The following INO80D variants were observed in gnomAD, a reference collection of about 807,000 sequenced individuals.
INO80D encodes INO80 complex subunit D.
INO80D carries 21 observed loss-of-function variants against 87.6 expected under a neutral mutation model. The observed-to-expected ratio is 0.24, with a 90% CI of 0.17 to 0.35. INO80D has a LOEUF of 0.35. INO80D is among the 10% of genes least tolerant of loss of function. INO80D has a pLI of 1.00. For synonymous variants in INO80D, 440 were observed against 491.0 expected (o/e 0.90, Z 1.37); for missense variants, 982 against 1,280.7 (o/e 0.77, Z 3.56).
chr2:206,083,755 TG>T (rs2105916942), intron 1 of INO80D, among the ~76,000 whole-genome samples: 1 of 147,682 alleles, frequency 6.8e-6, no homozygotes, highest in African/African-American at 2.5e-5. Flanking sequence ...ACAACAGTGC[TG>T]GGGGTACTGA....
At chr2:206,020,939 A>G (rs1008319637) in intron 6 of INO80D, among the ~76,000 whole-genome samples, 2 of 152,162 alleles carry the variant, frequency 1.3e-5, no homozygotes, top group African/African-American at 4.8e-5. Flanking sequence ...GGCTCCCAAA[A>G]TCAAAAAGGA....
In INO80D at chr2:205,996,769, A is replaced by T. The variant is rs1041948403; in HGVS notation, c.*7599T>A. 1 of 152,144 alleles carries T rather than the reference A, an allele frequency of 6.6e-6. No homozygotes were observed. The highest frequency in any genetic ancestry group is 1.5e-5 in the Non-Finnish European group (1 of 67,974). 9.4% of individuals were successfully genotyped at this position (152,144 alleles called of 1,614,324 possible). ...ATCCCATATACACATCTCTGTACAG[A>T]TATACACATAAGGGTCTGTTTTCAC... On this transcript the variant is annotated 3_prime_UTR_variant, in exon 11 of 11. Coordinates refer to ENST00000403263, the MANE Select transcript of INO80D (RefSeq NM_017759.5).
chr2:206,050,787 T>G (rs11892017), intron 4 of INO80D, among the ~76,000 whole-genome samples: 2 of 151,666 alleles, frequency 1.3e-5, no homozygotes, highest in African/African-American at 4.8e-5. Context: ...GCTAACACGG[T>G]GAAACCCCCG....
intron 3 of INO80D, among the ~76,000 whole-genome samples, chr2:206,059,475 G>A (rs1303552484): frequency 6.6e-6 from 1 of 152,200 alleles, no homozygotes; most frequent in Non-Finnish European, 1.5e-5. Flanking sequence ...AAAGACCACT[G>A]AGGTAAAAAA....
At chr2:206,017,167 A>T (rs553639082) in intron 8 of INO80D, among the ~76,000 whole-genome samples, 1 of 152,340 alleles carries the variant, frequency 6.6e-6, no homozygotes, top group African/African-American at 2.4e-5. Flanking sequence ...ATGTTTATAG[A>T]GGGCAGGAAG....
intron 5 of INO80D, among the ~76,000 whole-genome samples, chr2:206,041,866 G>A (rs1689060234): frequency 6.6e-6 from 1 of 152,186 alleles, no homozygotes. Context: ...AGTATTTTGG[G>A]GCTGGGCATG....
chr2:206,052,241 C>A (rs1377527942), intron 4 of INO80D, among the ~76,000 whole-genome samples: 1 of 152,052 alleles, frequency 6.6e-6, no homozygotes, highest in Non-Finnish European at 1.5e-5. Flanking sequence ...AGGCTGGAGT[C>A]CAGTGGTGCG....
In INO80D at chr2:205,999,650, C is replaced by T. The variant is rs1238674122; in HGVS notation, c.*4718G>A. The T allele has an allele frequency of 6.6e-6, 1 of 152,128 alleles. No individual in the cohort carries two copies. Among genetic ancestry groups the T allele is most frequent in the Non-Finnish European group, 1.5e-5 (1 of 68,038 alleles). The allele number at this position is 152,128 out of a possible 1,614,324, so 9.4% of individuals were successfully genotyped here. On this transcript the variant is annotated 3_prime_UTR_variant, in exon 11 of 11. Transcript: ENST00000403263. ...ACCCACAACTGCAGCATTAATGACACTGTTTATTAGAAGAGACATAACTAT... is the reference window on the plus strand; with the variant it reads ...ACCCACAACTGCAGCATTAATGACATTGTTTATTAGAAGAGACATAACTAT...
chr2:206,014,883 T>C (rs1210504767), intron 8 of INO80D, among the ~76,000 whole-genome samples: 1 of 152,156 alleles, frequency 6.6e-6, no homozygotes, highest in African/African-American at 2.4e-5. Flanking sequence ...AAAATGCTGA[T>C]AGTGATATGG....
At position 206,063,222 on chromosome 2, in the gene INO80D, A is replaced by C; in HGVS notation, c.-101T>G. The C allele has an allele frequency of 5.2e-6, 3 of 574,662 alleles. No individual in the cohort carries two copies. Among genetic ancestry groups the C allele is most frequent in the Non-Finnish European group, 9.0e-6 (3 of 332,038 alleles). The allele number at this position is 574,662 out of a possible 1,614,324, so 35.6% of individuals were successfully genotyped here. ...AGGATACCACAGTTTGGAATGCCGCAGAATCAGGATGAAGCAGATTGTCTA... is the reference window on the plus strand; with the variant it reads ...AGGATACCACAGTTTGGAATGCCGCCGAATCAGGATGAAGCAGATTGTCTA... On this transcript the variant is annotated 5_prime_UTR_variant, in exon 2 of 11. Transcript: ENST00000403263.
chr2:206,013,945 G>C (rs924738648), intron 8 of INO80D, among the ~76,000 whole-genome samples: 4 of 151,358 alleles, frequency 2.6e-5, no homozygotes, highest in East Asian at 1.9e-4. Context: ...GATCACCTGA[G>C]GTCAGGAGTT....
chr2:206,080,942 T>A (rs1690265519), intron 1 of INO80D, among the ~76,000 whole-genome samples: 1 of 149,034 alleles, frequency 6.7e-6, no homozygotes, highest in African/African-American at 2.5e-5. Context: ...ATTAAAAATC[T>A]TTAGAAAAAA....
intron 1 of INO80D, among the ~76,000 whole-genome samples, chr2:206,073,877 T>C (rs766829584): frequency 5.9e-5 from 9 of 152,126 alleles, no homozygotes; most frequent in Middle Eastern, 3.2e-3. Context: ...TTTTTGTTTT[T>C]GTTTTTGTTT....
intron 6 of INO80D, among the ~76,000 whole-genome samples, chr2:206,022,122 T>C (rs1443467410): frequency 6.6e-6 from 1 of 151,594 alleles, no homozygotes; most frequent in East Asian, 2.0e-4. Context: ...TCCCAGCACT[T>C]TGGGAGGCTG....
chr2:206,056,152 T>G, intron 4 of INO80D, 46 bp downstream of exon 4: 1 of 1,509,560 alleles, frequency 6.6e-7, no homozygotes, highest in Non-Finnish European at 8.9e-7. Flanking sequence ...ACCGAACACA[T>G]TTTGTCATAT....
chr2:206,078,184 G>A (rs774863386), intron 1 of INO80D, among the ~76,000 whole-genome samples: 58 of 150,310 alleles, frequency 3.9e-4, no homozygotes, highest in African/African-American at 1.2e-3. Context: ...TTGGGAGACC[G>A]AGGCAGGTGC....
intron 8 of INO80D, among the ~76,000 whole-genome samples, chr2:206,015,540 GAAGTC>G (rs2105811509): frequency 6.6e-6 from 1 of 152,306 alleles, no homozygotes; most frequent in South Asian, 2.1e-4. Context: ...CAAGTGCACA[GAAGTC>G]AAGAATTGAG....
Position 206,018,690 on chromosome 2 carries a change from G to A in INO80D, c.1409-877C>T, listed in dbSNP as rs561116494. Among the ~76,000 whole-genome samples the A allele has an allele frequency of 9.9e-4, 151 of 152,266 alleles. No individual in the cohort carries two copies. The Middle Eastern group carries it at 0.017, about 17-fold the overall frequency. On this transcript the variant is annotated intron_variant, in intron 7 of 10. Transcript: ENST00000403263. ...ACTCCCAGCACTGTGGGAGGCTAAG[G>A]TGGGTTGATTTATTGAGCCTCAGAA...
rs1382303794 is a variant in INO80D, at chr2:206,085,321, G to A, written c.-124+580C>T. Reference sequence around the variant, plus strand: ...GGATAAATAAATTCAACTCTTACCGGAATCTGGGGGCCGTCTGCGAGAGAC... The same window carrying A: ...GGATAAATAAATTCAACTCTTACCGAAATCTGGGGGCCGTCTGCGAGAGAC... On this transcript the variant is annotated intron_variant, in intron 1 of 10. Coordinates refer to ENST00000403263, the MANE Select transcript of INO80D (RefSeq NM_017759.5). The surrounding 1 kb of genome is among the most constrained non-coding windows in gnomAD (Gnocchi z 4.5). Among the ~76,000 whole-genome samples the A allele has an allele frequency of 6.6e-6, 1 of 151,660 alleles. No individual in the cohort carries two copies. Among genetic ancestry groups the A allele is most frequent in the Non-Finnish European group, 1.5e-5 (1 of 67,842 alleles).
Sources: gnomAD v4.1 joint callset for allele counts (sites outside exome capture counted in the v4.1 genomes callset) on GRCh38, gnomAD v4.1.1 for gene constraint, Gnocchi (gnomAD v3.1) non-coding constraint, MANE v1.5 for transcripts, NCBI Gene and HGNC (gene_info 2026-07-23, HGNC 2026-07-21) for gene names.